Variants in PRKD1 observed in about 807,000 individuals in gnomAD.
The protein encoded by PRKD1 is protein kinase D1.
In PRKD1, 63 loss-of-function variants were observed where a neutral mutation model predicts 95.9. The ratio of observed to expected loss-of-function variants is 0.66; its 90% CI spans 0.54 to 0.81. The LOEUF is 0.81. Among genes scored for constraint, PRKD1 ranks in the 30% least tolerant of loss-of-function variants. The pLI, the probability that PRKD1 is intolerant of heterozygous loss-of-function variation, is 0.00. For synonymous variants in PRKD1, 425 were observed against 423.1 expected (o/e 1.00, Z -0.05); for missense variants, 1,048 against 1,165.3 (o/e 0.90, Z 1.47).
chr14:29,700,988 G>GCGCGCACACACACACA (rs140824053), intron 2 of PRKD1, among the ~76,000 whole-genome samples: 2 of 90,568 alleles, frequency 2.2e-5, no homozygotes, highest in African/African-American at 4.3e-5. Flanking sequence ...GCGCGCGCGC[G>GCGCGCACACACACACA]CACACACACA....
At chr14:29,819,771 G>C (rs531546548) in intron 1 of PRKD1, among the ~76,000 whole-genome samples, 200 of 152,268 alleles carry the variant, frequency 1.3e-3, no homozygotes, top group African/African-American at 4.3e-3. Flanking sequence ...GATGAATCTA[G>C]GTAAAAGCTA....
chr14:29,883,377 G>A lies in PRKD1; in HGVS notation c.264+43872C>T, dbSNP rs143314851. On this transcript the variant is annotated intron_variant, in intron 1 of 17. Coordinates refer to ENST00000331968, the MANE Select transcript of PRKD1 (RefSeq NM_002742.3). ...TTTCAATACAGAAAAATTTTTAAAT[G>A]ATATCACAACCCTTATAAAGAACTA... Among the ~76,000 whole-genome samples, 437 of 152,244 alleles carry A rather than the reference G, an allele frequency of 2.9e-3. 1 individual carries two copies. The highest frequency in any genetic ancestry group is 9.8e-3 in the African/African-American group (409 of 41,534).
intron 2 of PRKD1, among the ~76,000 whole-genome samples, chr14:29,674,899 T>C (rs1883067175): frequency 1.3e-5 from 2 of 152,250 alleles, no homozygotes; most frequent in Admixed American, 6.5e-5. Flanking sequence ...TGTGCTTTAC[T>C]TCAGGTTGCT....
intron 6 of PRKD1, among the ~76,000 whole-genome samples, chr14:29,637,351 T>G (rs1392058713): frequency 6.6e-6 from 1 of 152,164 alleles, no homozygotes; most frequent in Non-Finnish European, 1.5e-5. Flanking sequence ...CATTATACAG[T>G]TGATGGTAAT....
At chr14:29,662,725 A>G (rs114615369) in intron 4 of PRKD1, among the ~76,000 whole-genome samples, 2 of 152,010 alleles carry the variant, frequency 1.3e-5, no homozygotes, top group Non-Finnish European at 1.5e-5. Context: ...CTTCTTATAG[A>G]TGTCTTCAGA....
intron 15 of PRKD1, 38 bp downstream of exon 15, chr14:29,598,989 C>T (rs746337477): frequency 1.6e-5 from 25 of 1,538,684 alleles, no homozygotes; most frequent in Non-Finnish European, 2.2e-5. Context: ...AGCAATGCTT[C>T]CAACTGGCTT....
rs547582038 is a variant in PRKD1, at chr14:29,655,846, C to T, written c.696+7853G>A. Among the ~76,000 whole-genome samples the T allele has an allele frequency of 1.4e-3, 217 of 151,518 alleles. 1 individual carries two copies. The highest frequency in any genetic ancestry group is 5.1e-3 in the African/African-American group (210 of 41,332). Reference sequence around the variant, plus strand: ...TGATAACACAAAAGGATGGAAAGATCCTTTATTGAAAAGGTAAGTTCATGG... The same window carrying T: ...TGATAACACAAAAGGATGGAAAGATTCTTTATTGAAAAGGTAAGTTCATGG... On this transcript the variant is annotated intron_variant, in intron 4 of 17. Transcript: ENST00000331968.
rs1406883689 is a variant in PRKD1 at position 29,927,232 on chromosome 14, G to T, written c.264+17C>A. ...GCCGCGGGGAGGCGCCGGGCTGGCA[G>T]CGGTGCGGCGACTTACCTTCTGGTC... On this transcript the variant is annotated intron_variant, in intron 1 of 17. Coordinates refer to ENST00000331968, the MANE Select transcript of PRKD1 (RefSeq NM_002742.3). 2.7e-6 allele frequency: 4 copies of T among 1,481,188 alleles called. No homozygotes were observed. The highest frequency in any genetic ancestry group is 3.0e-5 in the East Asian group (1 of 32,982). 91.8% of individuals were successfully genotyped at this position (1,481,188 alleles called of 1,614,324 possible).
chr14:29,704,256 C>A (rs575883496), intron 2 of PRKD1, among the ~76,000 whole-genome samples: 37 of 152,054 alleles, frequency 2.4e-4, no homozygotes, highest in Non-Finnish European at 4.9e-4. Flanking sequence ...ATGGCATAAC[C>A]ATAGAAAGGA....
chr14:29,714,108 T>C (rs191433546), intron 2 of PRKD1, among the ~76,000 whole-genome samples: 373 of 152,268 alleles, frequency 2.4e-3, no homozygotes, highest in Middle Eastern at 0.02. Context: ...GTCTACAAAT[T>C]AGATTTGAGA....
chr14:29,894,926 A>G (rs920999684), intron 1 of PRKD1, among the ~76,000 whole-genome samples: 5 of 152,250 alleles, frequency 3.3e-5, no homozygotes, highest in Non-Finnish European at 5.9e-5. Flanking sequence ...ATTTCTAGAC[A>G]TATGATGTCA....
intron 1 of PRKD1, among the ~76,000 whole-genome samples, chr14:29,835,561 T>C (rs1206158811): frequency 1.3e-5 from 2 of 152,116 alleles, no homozygotes; most frequent in Non-Finnish European, 2.9e-5. Flanking sequence ...ATTACTCTTT[T>C]CTTTATTTAT....
Position 29,810,767 on chromosome 14 carries a change from C to A in PRKD1, c.265-85093G>T, listed in dbSNP as rs555649160. On this transcript the variant is annotated intron_variant, in intron 1 of 17. Transcript: ENST00000331968. The stretch of plus-strand genomic sequence containing the variant: ...GCCAACCTCAAAACCTACAGTCAGG[C>A]ACCAAAGTGGGGAAGTGCAACAAAC... Among the ~76,000 whole-genome samples, 16 of 152,228 alleles carry A rather than the reference C, an allele frequency of 1.1e-4. No homozygotes were observed. In the South Asian group the frequency reaches 3.3e-3, roughly 32 times the overall value.
At chr14:29,791,405 C>CAG (rs1263503534) in intron 1 of PRKD1, among the ~76,000 whole-genome samples, 1 of 152,028 alleles carries the variant, frequency 6.6e-6, no homozygotes, top group Non-Finnish European at 1.5e-5. Context: ...CTGAAATTAC[C>CAG]AGATAATGAA....
chr14:29,685,050 T>G (rs572929421), intron 2 of PRKD1, among the ~76,000 whole-genome samples: 1 of 152,208 alleles, frequency 6.6e-6, no homozygotes, highest in South Asian at 2.1e-4. Flanking sequence ...TTAGACAAAC[T>G]CTAAAATGTA....
At chr14:29,908,340 G>A (rs570327077) in intron 1 of PRKD1, among the ~76,000 whole-genome samples, 20 of 152,250 alleles carry the variant, frequency 1.3e-4, no homozygotes, top group African/African-American at 4.8e-4. Flanking sequence ...ACTGTCGCCA[G>A]GGATGGTGTG....
At chr14:29,786,024 C>T (rs1566600644) in intron 1 of PRKD1, among the ~76,000 whole-genome samples, 1 of 151,922 alleles carries the variant, frequency 6.6e-6, no homozygotes, top group Admixed American at 6.6e-5. Flanking sequence ...TTCCTCTATA[C>T]CTAATTTGTT....
intron 1 of PRKD1, among the ~76,000 whole-genome samples, chr14:29,831,456 T>G (rs28674035): frequency 1.3e-3 from 191 of 151,460 alleles, no homozygotes; most frequent in African/African-American, 4.5e-3. Context: ...TTGGTTTTTT[T>G]TTTTTTTTTT....
At chr14:29,872,526 C>G (rs1187208303) in intron 1 of PRKD1, among the ~76,000 whole-genome samples, 3 of 151,924 alleles carry the variant, frequency 2.0e-5, no homozygotes, top group Non-Finnish European at 2.9e-5. Context: ...GTGGCTTGCA[C>G]CTGTAGTCCC....
Sources: gnomAD v4.1 joint callset for allele counts (sites outside exome capture counted in the v4.1 genomes callset) on GRCh38, gnomAD v4.1.1 for gene constraint, MANE v1.5 for transcripts, NCBI Gene and HGNC (gene_info 2026-07-23, HGNC 2026-07-21) for gene names.